ATP10D: variants seen among roughly 807,000 people sequenced by gnomAD.
ATP10D encodes the protein ATPase phospholipid transporting 10D (putative).
In ATP10D, 89 loss-of-function variants were observed where a neutral mutation model predicts 144.8. That is an observed-to-expected ratio of 0.61 (90% CI 0.52 to 0.73). ATP10D has a LOEUF of 0.73. Among genes scored for constraint, ATP10D ranks in the 30% least tolerant of loss-of-function variants. ATP10D has a pLI of 0.00. For missense variants in ATP10D, 1,603 were observed against 1,714.8 expected (o/e 0.93, Z 1.15); for synonymous variants, 571 against 615.1 (o/e 0.93, Z 1.06).
At chr4:47,511,319 C>T (rs933342764) in intron 1 of ATP10D, among the ~76,000 whole-genome samples, 5 of 151,770 alleles carry the variant, frequency 3.3e-5, no homozygotes, top group Admixed American at 1.3e-4. Flanking sequence ...TAGTATAAAA[C>T]CGATGAGGCT....
At chr4:47,515,060 A>G (rs1188973612) in intron 2 of ATP10D, among the ~76,000 whole-genome samples, 1 of 152,118 alleles carries the variant, frequency 6.6e-6, no homozygotes, top group African/African-American at 2.4e-5. Context: ...TTCTGGGTTC[A>G]AGTGATTCTC....
At chr4:47,554,084 G>T (rs1475331902) in intron 10 of ATP10D, among the ~76,000 whole-genome samples, 10 of 152,222 alleles carry the variant, frequency 6.6e-5, no homozygotes, top group Admixed American at 3.9e-4. Flanking sequence ...AAACAAAATG[G>T]AGTACATTTT....
chr4:47,569,284 T>C, intron 16 of ATP10D, 138 bp downstream of exon 16: 3 of 1,006,922 alleles, frequency 3.0e-6, no homozygotes, highest in Non-Finnish European at 4.3e-6. Flanking sequence ...TGCCTTCCCA[T>C]CACCTATTTG....
At chr4:47,528,741 C>A (rs113988143) in intron 5 of ATP10D, among the ~76,000 whole-genome samples, 16 of 152,082 alleles carry the variant, frequency 1.1e-4, no homozygotes, top group Middle Eastern at 3.4e-3. Context: ...TACTGTTATC[C>A]ACAGGGGTTA....
intron 1 of ATP10D, among the ~76,000 whole-genome samples, chr4:47,502,509 G>A (rs1715754630): frequency 1.3e-5 from 2 of 149,994 alleles, no homozygotes; most frequent in African/African-American, 4.9e-5. Flanking sequence ...AAGAAGAGAA[G>A]CATTATCGCT....
At chr4:47,532,668 G>A (rs1443436926) in intron 5 of ATP10D, among the ~76,000 whole-genome samples, 1 of 152,170 alleles carries the variant, frequency 6.6e-6, no homozygotes, top group Admixed American at 6.5e-5. Flanking sequence ...CACAAATTGA[G>A]ATGCTTAAGC....
intron 16 of ATP10D, among the ~76,000 whole-genome samples, 199 bp from the exon 17 acceptor site, chr4:47,571,955 C>T (rs144793663): frequency 3.9e-5 from 6 of 152,196 alleles, no homozygotes; most frequent in Non-Finnish European, 8.8e-5. Flanking sequence ...GAGTTTAAAG[C>T]GGTGTTGAGT....
intron 5 of ATP10D, among the ~76,000 whole-genome samples, chr4:47,529,891 T>G (rs898259058): frequency 6.6e-6 from 1 of 151,992 alleles, no homozygotes; most frequent in East Asian, 1.9e-4. Flanking sequence ...GTATTTTATT[T>G]TGTGTGTGTG....
chr4:47,580,459 G>T lies in ATP10D; in HGVS notation c.3629G>T (p.Cys1210Phe). 3.7e-6 allele frequency: 6 copies of T among 1,612,840 alleles called. No homozygotes were observed. Among genetic ancestry groups the T allele is most frequent in the Non-Finnish European group, 5.1e-6 (6 of 1,179,008 alleles). The change falls in exon 20 of 23, where the codon TGC becomes TTC. Residue 1210 changes from cysteine (C) to phenylalanine (F), a missense_variant. By Grantham distance (205) the Cys-to-Phe change is radical. Coordinates refer to ENST00000273859, the MANE Select transcript of ATP10D (RefSeq NM_020453.4). ...GATGCTTTTTATCAAAGCCTGGTCT[G>T]CTTCTTTGTGCCTTATTTTGTGAGT... Reference protein sequence around the residue: ...LLDAFYQSLVCFFVPYFTYQG... With the variant: ...LLDAFYQSLVFFFVPYFTYQG...
rs545815740 is a variant in ATP10D, at chr4:47,556,265, G to A, written c.1824+1351G>A. Among the ~76,000 whole-genome samples, 84 of 152,160 alleles carry A rather than the reference G, an allele frequency of 5.5e-4. 1 individual carries two copies. The highest frequency in any genetic ancestry group is 2.0e-3 in the African/African-American group (84 of 41,504). On this transcript the variant is annotated intron_variant, in intron 11 of 22. Transcript: ENST00000273859. ...ATTTTCCATCAGATCATTTTCTTTTGGCAGCTTCAGAGGTGGTCAACTTTA... is the reference window on the plus strand; with the variant it reads ...ATTTTCCATCAGATCATTTTCTTTTAGCAGCTTCAGAGGTGGTCAACTTTA...
chr4:47,548,123 C>T (rs1718537881), intron 10 of ATP10D, among the ~76,000 whole-genome samples: 1 of 152,104 alleles, frequency 6.6e-6, no homozygotes, highest in South Asian at 2.1e-4. Context: ...CATGTTGGCT[C>T]TTGTTTAGAC....
At chr4:47,568,318 GAA>G (rs1405195380) in intron 15 of ATP10D, among the ~76,000 whole-genome samples, 1 of 152,196 alleles carries the variant, frequency 6.6e-6, no homozygotes, top group Non-Finnish European at 1.5e-5. Flanking sequence ...GTTAGTGAGT[GAA>G]TGAATACGTT....
chr4:47,589,221 C>T (rs900065635), intron 22 of ATP10D, among the ~76,000 whole-genome samples: 1 of 152,118 alleles, frequency 6.6e-6, no homozygotes, highest in Non-Finnish European at 1.5e-5. Flanking sequence ...TTTCCAATAC[C>T]TTGATTTTGG....
intron 5 of ATP10D, among the ~76,000 whole-genome samples, chr4:47,527,733 T>C: frequency 6.6e-6 from 1 of 152,140 alleles, no homozygotes; most frequent in Non-Finnish European, 1.5e-5. Flanking sequence ...AAAGATCAAG[T>C]GTACCAAGTG....
chr4:47,570,069 A>C (rs1051854348), intron 16 of ATP10D, among the ~76,000 whole-genome samples: 1 of 152,230 alleles, frequency 6.6e-6, no homozygotes, highest in Non-Finnish European at 1.5e-5. Flanking sequence ...GATTTGCCTT[A>C]AATTTAAAAT....
chr4:47,581,905 T>C, intron 20 of ATP10D, 55 bp from the exon 21 acceptor site: 4 of 1,401,720 alleles, frequency 2.9e-6, no homozygotes, highest in South Asian at 1.2e-5. Flanking sequence ...AAAGTGATGT[T>C]ACCCACACCA....
intron 1 of ATP10D, chr4:47,490,944 G>A: frequency 2.1e-6 from 1 of 471,398 alleles, no homozygotes; most frequent in South Asian, 2.1e-5. Flanking sequence ...TTTTTTTTCA[G>A]TCAGAAGTCT....
chr4:47,569,060 T>C lies in ATP10D; in HGVS notation c.3077T>C (p.Val1026Ala). 6.2e-7 allele frequency: 1 copy of C among 1,614,178 alleles called. No homozygotes were observed. The highest frequency in any genetic ancestry group is 8.5e-7 in the Non-Finnish European group (1 of 1,180,028). Residue 1026 changes from valine to alanine, a missense_variant, in exon 16 of 23, where the codon GTG becomes GCG. Val to Ala is a moderately conservative substitution (Grantham distance 64, BLOSUM62 0). Transcript: ENST00000273859. Reference sequence around the variant, plus strand: ...GAACTGACATCTTGGTGTCAAGCTGTGGTCTGCTGCCGAGCCACACCGCTG... The same window carrying C: ...GAACTGACATCTTGGTGTCAAGCTGCGGTCTGCTGCCGAGCCACACCGCTG... ...FLELTSWCQA[V>A]VCCRATPLQK... is the part of the protein sequence containing the mutation.
At chr4:47,529,636 G>A (rs1577651228) in intron 5 of ATP10D, among the ~76,000 whole-genome samples, 1 of 151,792 alleles carries the variant, frequency 6.6e-6, no homozygotes, top group Non-Finnish European at 1.5e-5. Flanking sequence ...CTTTTTTTTG[G>A]TTCCTTATGA....
Sources: gnomAD v4.1 joint callset for allele counts (sites outside exome capture counted in the v4.1 genomes callset) on GRCh38, gnomAD v4.1.1 for gene constraint, MANE v1.5 for transcripts, NCBI Gene and HGNC (gene_info 2026-07-23, HGNC 2026-07-21) for gene names.